The following NALCN variants were observed in gnomAD, a reference collection of about 807,000 sequenced individuals.
NALCN encodes the protein sodium leak channel, non-selective.
A neutral mutation model predicts 225.3 loss-of-function variants in NALCN; 111 were observed. The ratio of observed to expected loss-of-function variants is 0.49; its 90% CI spans 0.42 to 0.58. The LOEUF is 0.58. NALCN is among the 20% of genes least tolerant of loss of function. The pLI, the probability that NALCN is intolerant of heterozygous loss-of-function variation, is 0.00. For synonymous variants in NALCN, 764 were observed against 769.0 expected (o/e 0.99, Z 0.11); for missense variants, 1,378 against 2,202.4 (o/e 0.63, Z 7.49).
intron 13 of NALCN, among the ~76,000 whole-genome samples, chr13:101,228,239 T>C (rs1394794763): frequency 1.3e-5 from 2 of 152,212 alleles, no homozygotes; most frequent in Non-Finnish European, 2.9e-5. Flanking sequence ...AAATTTAGCA[T>C]AGGATTTTTA....
At chr13:101,315,930 A>C (rs1288869781) in intron 7 of NALCN, among the ~76,000 whole-genome samples, 1 of 152,016 alleles carries the variant, frequency 6.6e-6, no homozygotes, top group Non-Finnish European at 1.5e-5. Context: ...ATCTGTCTTC[A>C]GTGCCAAAAT....
At chr13:101,316,042 C>T (rs1469628651) in intron 7 of NALCN, among the ~76,000 whole-genome samples, 1 of 152,066 alleles carries the variant, frequency 6.6e-6, no homozygotes, top group Non-Finnish European at 1.5e-5. Context: ...AGTCAAGTCA[C>T]CCAATACTCA....
intron 1 of NALCN, among the ~76,000 whole-genome samples, chr13:101,413,166 C>A (rs958729496): frequency 1.3e-5 from 2 of 152,104 alleles, no homozygotes; most frequent in African/African-American, 4.8e-5. Flanking sequence ...AATCTGAATT[C>A]TTTAGGAAAT....
intron 17 of NALCN, among the ~76,000 whole-genome samples, chr13:101,134,990 C>T (rs1151388): frequency 6.6e-6 from 1 of 152,030 alleles, no homozygotes. Flanking sequence ...GTCAGGAAAT[C>T]GAGACCATCC....
chr13:101,287,655 T>C (rs1271197378), intron 9 of NALCN, among the ~76,000 whole-genome samples: 1 of 152,192 alleles, frequency 6.6e-6, no homozygotes, highest in Non-Finnish European at 1.5e-5. Flanking sequence ...ATCTCACCAA[T>C]AACACAAATG....
At chr13:101,219,077 G>A (rs1192954696) in intron 13 of NALCN, among the ~76,000 whole-genome samples, 1 of 152,052 alleles carries the variant, frequency 6.6e-6, no homozygotes, top group Non-Finnish European at 1.5e-5. Flanking sequence ...GTTATATTTT[G>A]AGGTTCTGGG....
At chr13:101,330,577 C>T (rs72654857) in intron 7 of NALCN, among the ~76,000 whole-genome samples, 11,520 of 152,272 alleles carry the variant, frequency 0.076, 545 homozygotes, top group African/African-American at 0.12. Flanking sequence ...AGAATCCAGA[C>T]CTGGGCCAAC....
intron 3 of NALCN, among the ~76,000 whole-genome samples, chr13:101,391,931 C>T (rs1357954170): frequency 6.6e-6 from 1 of 150,640 alleles, no homozygotes; most frequent in Admixed American, 6.6e-5. Flanking sequence ...TTGCAGTGAG[C>T]CGAAAATGAA....
intron 3 of NALCN, among the ~76,000 whole-genome samples, chr13:101,392,293 C>G (rs2047169992): frequency 6.6e-6 from 1 of 151,946 alleles, no homozygotes; most frequent in Admixed American, 6.6e-5. Context: ...TATAACAAAA[C>G]AACACATTAA....
intron 10 of NALCN, among the ~76,000 whole-genome samples, chr13:101,266,112 T>A (rs2042587640): frequency 1.3e-5 from 2 of 152,180 alleles, no homozygotes; most frequent in Non-Finnish European, 2.9e-5. Context: ...GACATCTACA[T>A]CTTTTGGCTG....
chr13:101,348,688 T>C (rs1381038598), intron 6 of NALCN, among the ~76,000 whole-genome samples: 1 of 152,168 alleles, frequency 6.6e-6, no homozygotes, highest in African/African-American at 2.4e-5. Context: ...TTAGTGCTGA[T>C]ACTCATTTTA....
rs561126533 is a variant in NALCN at position 101,391,582 on chromosome 13, G to A, written c.291+3601C>T. On this transcript the variant is annotated intron_variant, in intron 3 of 43. Transcript: ENST00000251127. ...ACCTGTAGTCCCAGCTACATGGGAG[G>A]ATGAGGTGGGAGATCTCTTGATCCC... Among the ~76,000 whole-genome samples the A allele has an allele frequency of 2.6e-5, 4 of 152,258 alleles. No individual in the cohort carries two copies. In the South Asian group the frequency reaches 8.3e-4, roughly 32 times the overall value.
intron 11 of NALCN, among the ~76,000 whole-genome samples, chr13:101,257,393 G>A (rs1387689142): frequency 1.3e-5 from 2 of 152,026 alleles, no homozygotes; most frequent in Non-Finnish European, 1.5e-5. Context: ...TGATATCCAC[G>A]TAGATGTCTA....
chr13:101,315,217 C>CA (rs2044510982), intron 7 of NALCN, among the ~76,000 whole-genome samples: 1 of 152,012 alleles, frequency 6.6e-6, no homozygotes, highest in South Asian at 2.1e-4. Context: ...GAAAAATTGT[C>CA]AAAACGATAA....
intron 9 of NALCN, among the ~76,000 whole-genome samples, chr13:101,288,739 A>T (rs985045718): frequency 1.3e-5 from 2 of 152,226 alleles, no homozygotes; most frequent in African/African-American, 2.4e-5. Context: ...ATCCTATTGG[A>T]TTATGATTCA....
chr13:101,076,048 G>T (rs1296046326), intron 34 of NALCN, 107 bp from the exon 35 acceptor site: 2 of 779,464 alleles, frequency 2.6e-6, no homozygotes, highest in Non-Finnish European at 3.9e-6. Context: ...AGCTTAATAT[G>T]TGTAAATTAT....
At chr13:101,415,183 T>C (rs369930080) in intron 1 of NALCN, among the ~76,000 whole-genome samples, 1 of 110,120 alleles carries the variant, frequency 9.1e-6, no homozygotes. Context: ...ATCACAGTTG[T>C]AGTTATGAAC....
intron 6 of NALCN, among the ~76,000 whole-genome samples, chr13:101,348,746 C>G (rs1487702478): frequency 6.6e-6 from 1 of 152,008 alleles, no homozygotes; most frequent in Non-Finnish European, 1.5e-5. Flanking sequence ...GCTTCAGAGG[C>G]AGCAGGCTTG....
intron 40 of NALCN, among the ~76,000 whole-genome samples, chr13:101,063,023 A>T (rs1275469013): frequency 6.6e-6 from 1 of 152,234 alleles, no homozygotes; most frequent in Non-Finnish European, 1.5e-5. Context: ...ATTACAGTTC[A>T]TGGGGCAATA....
Sources: gnomAD v4.1 joint callset for allele counts (sites outside exome capture counted in the v4.1 genomes callset) on GRCh38, gnomAD v4.1.1 for gene constraint, MANE v1.5 for transcripts, NCBI Gene and HGNC (gene_info 2026-07-23, HGNC 2026-07-21) for gene names.